Variants in PPP1CB observed in about 807,000 individuals in gnomAD.
The protein encoded by PPP1CB is serine/threonine-protein phosphatase PP1-beta catalytic subunit.
PPP1CB carries 2 observed loss-of-function variants against 43.7 expected under a neutral mutation model. The observed-to-expected ratio is 0.05, with a 90% CI of 0.02 to 0.14. The LOEUF is 0.14. PPP1CB is among the 10% of genes least tolerant of loss of function. PPP1CB has a pLI of 1.00. For missense variants in PPP1CB, 84 were observed against 398.0 expected (o/e 0.21, Z 6.71); for synonymous variants, 136 against 135.6 (o/e 1.00, Z -0.02).
chr2:28,777,943 C>T (rs888305527), intron 2 of PPP1CB, among the ~76,000 whole-genome samples: 18 of 152,152 alleles, frequency 1.2e-4, no homozygotes, highest in Non-Finnish European at 2.4e-4. Context: ...CATGAGCCAC[C>T]GCAGCTGGCC....
intron 1 of PPP1CB, among the ~76,000 whole-genome samples, chr2:28,767,997 A>G (rs1384094781): frequency 6.6e-6 from 1 of 152,172 alleles, no homozygotes; most frequent in Non-Finnish European, 1.5e-5. Context: ...AAGTCAGGTG[A>G]AATAAATTGG....
At chr2:28,765,354 T>C (rs1454916885) in intron 1 of PPP1CB, among the ~76,000 whole-genome samples, 1 of 152,236 alleles carries the variant, frequency 6.6e-6, no homozygotes, top group Non-Finnish European at 1.5e-5. Flanking sequence ...ACATACTGCA[T>C]ATTCATCACT....
chr2:28,757,474 A>G (rs1306212224), intron 1 of PPP1CB, among the ~76,000 whole-genome samples: 1 of 152,132 alleles, frequency 6.6e-6, no homozygotes, highest in Non-Finnish European at 1.5e-5. Flanking sequence ...AGGCCTCTTT[A>G]CTGATTAAAT....
intron 6 of PPP1CB, among the ~76,000 whole-genome samples, chr2:28,791,344 T>G (rs547087310): frequency 2.0e-5 from 3 of 152,302 alleles, no homozygotes; most frequent in Non-Finnish European, 4.4e-5. Context: ...GTTTGTTTTT[T>G]TTGTGAGACA....
chr2:28,796,034 T>C (rs543651548), intron 7 of PPP1CB, among the ~76,000 whole-genome samples: 20 of 152,338 alleles, frequency 1.3e-4, no homozygotes, highest in Admixed American at 1.2e-3. Flanking sequence ...TAGCACCATT[T>C]ATCAAATAGG....
chr2:28,773,466 T>C (rs1558303164), intron 1 of PPP1CB, among the ~76,000 whole-genome samples: 1 of 152,250 alleles, frequency 6.6e-6, no homozygotes, highest in Non-Finnish European at 1.5e-5. Context: ...GTGGAAAGAA[T>C]AGCTTCTCTT....
chr2:28,762,241 C>T (rs560737035), intron 1 of PPP1CB, among the ~76,000 whole-genome samples: 5 of 152,180 alleles, frequency 3.3e-5, no homozygotes, highest in Admixed American at 6.6e-5. Flanking sequence ...GCTGAGATTG[C>T]GCCACTGCAC....
Position 28,776,888 on chromosome 2 carries a change from T to G in PPP1CB, c.90T>G (p.Thr30=), listed in dbSNP as rs1558304665. Residue 30 remains threonine, a synonymous_variant, in exon 2 of 8, where the codon ACT becomes ACG. Transcript: ENST00000395366. ...GCRPGKIVQM[T]EAEVRGLCIK... Reference sequence around the variant, plus strand: ...GTCCAGGAAAGATTGTGCAGATGACTGAAGCAGAAGTTCGAGGCTTATGTA... The same window carrying G: ...GTCCAGGAAAGATTGTGCAGATGACGGAAGCAGAAGTTCGAGGCTTATGTA... 8 of 1,613,422 alleles carry G rather than the reference T, an allele frequency of 5.0e-6. No homozygotes were observed. Among genetic ancestry groups the G allele is most frequent in the Non-Finnish European group, 6.8e-6 (8 of 1,179,470 alleles).
chr2:28,797,981 A>G (rs918075567), intron 7 of PPP1CB, among the ~76,000 whole-genome samples: 1 of 152,106 alleles, frequency 6.6e-6, no homozygotes, highest in African/African-American at 2.4e-5. Context: ...TACTGTTTCC[A>G]TCAATTAGTA....
chr2:28,799,262 G>A lies in PPP1CB; in HGVS notation c.943G>A (p.Val315Ile), dbSNP rs748608614. 1.9e-6 allele frequency: 3 copies of A among 1,611,080 alleles called. No homozygotes were observed. The highest frequency in any genetic ancestry group is 2.5e-6 in the Non-Finnish European group (3 of 1,177,308). Residue 315 changes from valine (V) to isoleucine (I), a missense_variant, in exon 8 of 8, where the codon GTC becomes ATC. This residue lies in a region of PPP1CB where 14 missense variants were observed against 30.9 expected (regional missense o/e 0.45). Coordinates refer to ENST00000395366, the MANE Select transcript of PPP1CB (RefSeq NM_002709.3). ...QYGGLNSGRP[V>I]TPPRTANPPK... ...TGGTGGACTGAATTCTGGACGTCCT[G>A]TCACTCCACCTCGAACAGCTAATCC...
chr2:28,792,342 A>G (rs1479556856), intron 6 of PPP1CB, among the ~76,000 whole-genome samples: 7 of 146,618 alleles, frequency 4.8e-5, no homozygotes, highest in Admixed American at 4.1e-4. Flanking sequence ...CTCCATCTCG[A>G]AAAAAAAAAA....
chr2:28,780,809 C>T (rs1488680180), intron 3 of PPP1CB, among the ~76,000 whole-genome samples: 1 of 152,124 alleles, frequency 6.6e-6, no homozygotes, highest in Non-Finnish European at 1.5e-5. Flanking sequence ...TGAACATACA[C>T]TTGAGGTTGT....
At chr2:28,787,648 C>G (rs1055883768) in intron 5 of PPP1CB, among the ~76,000 whole-genome samples, 7 of 152,168 alleles carry the variant, frequency 4.6e-5, no homozygotes, top group Non-Finnish European at 5.9e-5. Flanking sequence ...TGGTCTTCGT[C>G]CTACTGCCCT....
intron 5 of PPP1CB, among the ~76,000 whole-genome samples, chr2:28,787,591 G>T (rs1037492531): frequency 6.6e-6 from 1 of 152,150 alleles, no homozygotes; most frequent in African/African-American, 2.4e-5. Flanking sequence ...CAATCACCAA[G>T]AAACTTGCAT....
At chr2:28,788,286 A>G (rs1667314605) in intron 5 of PPP1CB, among the ~76,000 whole-genome samples, 1 of 152,212 alleles carries the variant, frequency 6.6e-6, no homozygotes, top group Non-Finnish European at 1.5e-5. Flanking sequence ...AAACAGTGGA[A>G]CCGTAAGGAA....
At chr2:28,775,259 C>T (rs938740846) in intron 1 of PPP1CB, among the ~76,000 whole-genome samples, 2 of 152,112 alleles carry the variant, frequency 1.3e-5, no homozygotes, top group African/African-American at 4.8e-5. Context: ...AAGCATGCAC[C>T]ATCATGCCCA....
chr2:28,796,726 T>G (rs1454867272), intron 7 of PPP1CB, among the ~76,000 whole-genome samples: 1 of 152,056 alleles, frequency 6.6e-6, no homozygotes, highest in African/African-American at 2.4e-5. Context: ...TCAGTAAAGA[T>G]TGTTTATCTT....
intron 6 of PPP1CB, among the ~76,000 whole-genome samples, chr2:28,792,896 A>C (rs748039243): frequency 1.3e-5 from 2 of 152,078 alleles, no homozygotes; most frequent in Non-Finnish European, 2.9e-5. Context: ...GAAATTGACA[A>C]CTGGTTCTAG....
chr2:28,797,994 A>G (rs1430239384), intron 7 of PPP1CB, among the ~76,000 whole-genome samples: 1 of 152,160 alleles, frequency 6.6e-6, no homozygotes, highest in African/African-American at 2.4e-5. Flanking sequence ...AATTAGTACA[A>G]TTGAATGGTA....
Sources: gnomAD v4.1 joint callset for allele counts (sites outside exome capture counted in the v4.1 genomes callset) on GRCh38, gnomAD v4.1.1 for gene constraint, gnomAD v4.1.1 regional missense constraint, MANE v1.5 for transcripts, NCBI Gene and HGNC (gene_info 2026-07-23, HGNC 2026-07-21) for gene names.